The following WWOX variants were observed in gnomAD, a reference collection of about 807,000 sequenced individuals.
WWOX encodes WW domain containing oxidoreductase, also known as WW domain-containing oxidoreductase.
Under a neutral mutation model 46.2 loss-of-function variants are expected in WWOX, and 69 were observed. The observed-to-expected ratio is 1.49, with a 90% CI of 1.23 to 1.82. The LOEUF (loss-of-function observed/expected upper bound fraction) is 1.82. Ranked by LOEUF, WWOX falls within the 40% of genes most tolerant of loss-of-function variation. The pLI is 0.00. For missense variants in WWOX, 919 were observed against 542.6 expected, an observed-to-expected ratio of 1.69 and a Z score of -6.89; for synonymous variants, 359 against 202.6, an observed-to-expected ratio of 1.77 and a Z score of -6.56.
intron 8 of WWOX, among the ~76,000 whole-genome samples, chr16:78,595,314 A>C (rs1216916876): frequency 6.6e-6 from 1 of 151,776 alleles, no homozygotes; most frequent in Non-Finnish European, 1.5e-5. Context: ...TTTTTCCTGA[A>C]TATGGAACCA....
At chr16:78,167,177 C>G (rs994779856) in intron 5 of WWOX, 6 of 152,160 alleles carry the variant, frequency 3.9e-5, no homozygotes, top group African/African-American at 1.4e-4. Context: ...ACACATTCAT[C>G]TGCATTTATC....
At chr16:78,360,281 C>G (rs952583355) in intron 5 of WWOX, among the ~76,000 whole-genome samples, 11 of 152,134 alleles carry the variant, frequency 7.2e-5, no homozygotes, top group African/African-American at 2.2e-4. Flanking sequence ...TAATTTTAGA[C>G]TCACATAGAA....
At position 78,392,745 on chromosome 16, in the gene WWOX, C is replaced by G. The variant is rs2082202898; in HGVS notation, c.605+5797C>G. On this transcript the variant is annotated intron_variant, in intron 6 of 8. Coordinates refer to ENST00000566780, the MANE Select transcript of WWOX (RefSeq NM_016373.4). ...GTTTAATGTTTTCGTAAGAATACTT[C>G]AGAGGCAGTGGTGTAATCGTCCAAG... is the stretch of plus-strand genomic sequence containing the variant. Among the ~76,000 whole-genome samples the G allele has an allele frequency of 3.9e-5, 6 of 152,286 alleles. No homozygotes were observed. The South Asian group carries it at 8.3e-4, about 21-fold the overall frequency.
intron 4 of WWOX, among the ~76,000 whole-genome samples, chr16:78,142,896 A>G (rs1166978364): frequency 1.3e-5 from 2 of 152,258 alleles, no homozygotes; most frequent in African/African-American, 2.4e-5. Context: ...ACATAGCATC[A>G]TATGACATGG....
intron 8 of WWOX, among the ~76,000 whole-genome samples, chr16:78,928,539 A>C (rs986201579): frequency 6.6e-6 from 1 of 152,074 alleles, no homozygotes; most frequent in African/African-American, 2.4e-5. Context: ...CCCCTTCTGA[A>C]GTGAATACTG....
chr16:78,810,853 C>G (rs1168419586), intron 8 of WWOX, among the ~76,000 whole-genome samples: 2 of 152,150 alleles, frequency 1.3e-5, no homozygotes, highest in African/African-American at 2.4e-5. Flanking sequence ...TCCAAAAAGA[C>G]AAGTGCTCAG....
At chr16:78,131,188 A>G (rs2033579256) in intron 4 of WWOX, among the ~76,000 whole-genome samples, 1 of 152,142 alleles carries the variant, frequency 6.6e-6, no homozygotes, top group Non-Finnish European at 1.5e-5. Context: ...CAGCAGCTTG[A>G]TCTTTGTGCT....
chr16:78,690,856 T>G (rs1267874620), intron 8 of WWOX, among the ~76,000 whole-genome samples: 2 of 152,214 alleles, frequency 1.3e-5, no homozygotes, highest in Admixed American at 1.3e-4. Context: ...CAGGATGGCT[T>G]GATGTTGTCT....
chr16:78,617,334 A>G (rs1465239210), intron 8 of WWOX, among the ~76,000 whole-genome samples: 1 of 151,450 alleles, frequency 6.6e-6, no homozygotes, highest in African/African-American at 2.4e-5. Flanking sequence ...CCCAGGAGGC[A>G]GAGGTTGCAG....
At chr16:78,108,351 T>G in intron 1 of WWOX, 72 bp from the exon 2 acceptor site, 1 of 1,492,610 alleles carries the variant, frequency 6.7e-7, no homozygotes, top group Non-Finnish European at 9.2e-7. Context: ...AGAGAAAAAA[T>G]TTAATACAAT....
intron 8 of WWOX, among the ~76,000 whole-genome samples, chr16:78,449,234 T>G (rs2083632687): frequency 6.6e-6 from 1 of 152,200 alleles, no homozygotes; most frequent in African/African-American, 2.4e-5. Context: ...TATCGAAGCA[T>G]GTAAGCCAAG....
chr16:78,638,816 G>A (rs1342134635), intron 8 of WWOX, among the ~76,000 whole-genome samples: 1 of 152,262 alleles, frequency 6.6e-6, no homozygotes, highest in Non-Finnish European at 1.5e-5. Flanking sequence ...ATAATTAGGA[G>A]ATTTCACAGT....
intron 8 of WWOX, among the ~76,000 whole-genome samples, chr16:79,210,871 C>G (rs2051710944): frequency 6.6e-6 from 1 of 152,206 alleles, no homozygotes; most frequent in South Asian, 2.1e-4. Context: ...CAGCTGCACT[C>G]TTTGCAACTT....
chr16:78,923,406 T>C (rs1056684330), intron 8 of WWOX, among the ~76,000 whole-genome samples: 1 of 152,242 alleles, frequency 6.6e-6, no homozygotes, highest in East Asian at 1.9e-4. Flanking sequence ...CATTTTCTTC[T>C]ATATAAGTCC....
At chr16:78,695,492 TG>T (rs1443287303) in intron 8 of WWOX, among the ~76,000 whole-genome samples, 2 of 152,148 alleles carry the variant, frequency 1.3e-5, no homozygotes, top group Non-Finnish European at 2.9e-5. Context: ...AAGTAGGTCA[TG>T]GGGGCGGTTA....
intron 5 of WWOX, among the ~76,000 whole-genome samples, chr16:78,191,286 G>A (rs747664122): frequency 6.6e-6 from 1 of 152,190 alleles, no homozygotes; most frequent in African/African-American, 2.4e-5. Flanking sequence ...ACAGGGTGCA[G>A]GCTGGGATTT....
chr16:78,612,550 A>C (rs2045926266), intron 8 of WWOX, among the ~76,000 whole-genome samples: 1 of 152,186 alleles, frequency 6.6e-6, no homozygotes, highest in Non-Finnish European at 1.5e-5. Flanking sequence ...ATCAGATTTC[A>C]TTGCAGCCTG....
chr16:78,368,794 T>C (rs1250695553), intron 5 of WWOX, among the ~76,000 whole-genome samples: 2 of 152,130 alleles, frequency 1.3e-5, no homozygotes, highest in Admixed American at 6.5e-5. Context: ...ATTTGTCCCA[T>C]TGGGCCATGG....
intron 8 of WWOX, among the ~76,000 whole-genome samples, chr16:78,729,244 A>G (rs2048907934): frequency 1.3e-5 from 2 of 151,930 alleles, no homozygotes; most frequent in South Asian, 4.2e-4. Context: ...TGGGAGGCTG[A>G]GGTGGGAGGA....
Sources: gnomAD v4.1 joint callset for allele counts (sites outside exome capture counted in the v4.1 genomes callset) on GRCh38, gnomAD v4.1.1 for gene constraint, MANE v1.5 for transcripts, NCBI Gene and HGNC (gene_info 2026-07-23, HGNC 2026-07-21) for gene names.